CNTN3: variants seen among roughly 807,000 people sequenced by gnomAD.
The protein encoded by CNTN3 is contactin 3.
In CNTN3, 60 loss-of-function variants were observed where a neutral mutation model predicts 119.1. That is an observed-to-expected ratio of 0.50 (90% CI 0.41 to 0.62). The LOEUF (loss-of-function observed/expected upper bound fraction) is 0.62. Among genes scored for constraint, CNTN3 ranks in the 20% least tolerant of loss-of-function variants. CNTN3 has a pLI of 0.00. For missense variants in CNTN3, 1,101 were observed against 1,242.4 expected (o/e 0.89, Z 1.71); for synonymous variants, 450 against 438.7 (o/e 1.03, Z -0.32).
At chr3:74,295,520 G>A (rs911876191) in intron 18 of CNTN3, among the ~76,000 whole-genome samples, 1 of 152,018 alleles carries the variant, frequency 6.6e-6, no homozygotes, top group Non-Finnish European at 1.5e-5. Context: ...TTCTTTGCCT[G>A]TCTTCTCCTC....
chr3:74,417,525 AATGG>A (rs1174522003), intron 5 of CNTN3, among the ~76,000 whole-genome samples: 1 of 152,180 alleles, frequency 6.6e-6, no homozygotes, highest in South Asian at 2.1e-4. Context: ...GAATGAATAC[AATGG>A]ATGGATGGAT....
chr3:74,542,710 A>G (rs1340343301), intron 1 of CNTN3, among the ~76,000 whole-genome samples: 3 of 152,208 alleles, frequency 2.0e-5, no homozygotes, highest in Non-Finnish European at 2.9e-5. Context: ...TTTGTCAATC[A>G]TATATATTGT....
chr3:74,549,716 C>G (rs1049033561), intron 1 of CNTN3, among the ~76,000 whole-genome samples: 10 of 152,084 alleles, frequency 6.6e-5, no homozygotes, highest in African/African-American at 2.4e-4. Context: ...TTAAATGGGC[C>G]CAGATCAGGA....
At position 74,486,458 on chromosome 3, in the gene CNTN3, G is replaced by A. The variant is rs772283867; in HGVS notation, c.356C>T (p.Ala119Val). 1 of 1,596,300 alleles carries A rather than the reference G, an allele frequency of 6.3e-7. No homozygotes were observed. The highest frequency in any genetic ancestry group is 8.5e-7 in the Non-Finnish European group (1 of 1,175,488). The change falls in exon 4 of 23, where the codon GCC (alanine) becomes GTC (valine). Residue 119 changes from alanine to valine, a missense_variant and splice_region_variant. Physicochemically the swap from Ala to Val is moderately conservative, Grantham distance 64. Transcript: ENST00000263665. The part of the protein sequence containing the change: ...IVSREAKLQF[A>V]YLENFKTKMR... ...TAGACATGTGAACATAAACTTACAG[G>A]CAAACTGAAGTTTGGCTTCTCTGCT...
chr3:74,461,457 G>A (rs1361590963), intron 4 of CNTN3, among the ~76,000 whole-genome samples: 1 of 151,886 alleles, frequency 6.6e-6, no homozygotes, highest in African/African-American at 2.4e-5. Flanking sequence ...CTTGATTAGA[G>A]TCAAGTTATT....
At chr3:74,307,906 G>T (rs1003929564) in intron 13 of CNTN3, among the ~76,000 whole-genome samples, 5 of 152,200 alleles carry the variant, frequency 3.3e-5, no homozygotes, top group African/African-American at 9.6e-5. Flanking sequence ...TTGGAACCGA[G>T]GTTGAGTAAG....
intron 4 of CNTN3, among the ~76,000 whole-genome samples, chr3:74,459,736 G>A (rs1272733160): frequency 6.6e-6 from 1 of 151,840 alleles, no homozygotes; most frequent in African/African-American, 2.4e-5. Context: ...AACCTTTAAG[G>A]TAGTGTGCCC....
Position 74,557,008 on chromosome 3 carries a change from G to A in CNTN3, c.-80-35816C>T, listed in dbSNP as rs185450198. On this transcript the variant is annotated intron_variant, in intron 1 of 22. Transcript: ENST00000263665. Reference sequence around the variant, plus strand: ...GTTTGTCTTTTTATTGTTGCATCGTGAGAGTTTTTTTGTATTCTAATATAA... The same window carrying A: ...GTTTGTCTTTTTATTGTTGCATCGTAAGAGTTTTTTTGTATTCTAATATAA... Among the ~76,000 whole-genome samples, 428 of 152,192 alleles carry A rather than the reference G, an allele frequency of 2.8e-3. 4 individuals are homozygous for A. The highest frequency in any genetic ancestry group is 0.01 in the African/African-American group (420 of 41,532).
At chr3:74,379,352 C>T (rs942108665) in intron 5 of CNTN3, among the ~76,000 whole-genome samples, 10 of 152,026 alleles carry the variant, frequency 6.6e-5, no homozygotes, top group African/African-American at 1.7e-4. Context: ...GACGGGGTTT[C>T]GCCATGTTGG....
At chr3:74,508,785 G>C (rs995258970) in intron 2 of CNTN3, among the ~76,000 whole-genome samples, 1 of 152,098 alleles carries the variant, frequency 6.6e-6, no homozygotes, top group Non-Finnish European at 1.5e-5. Context: ...TCCCCAATTT[G>C]ATAAGCTTTG....
intron 1 of CNTN3, among the ~76,000 whole-genome samples, chr3:74,528,198 T>C (rs974912357): frequency 6.6e-6 from 1 of 151,888 alleles, no homozygotes; most frequent in Admixed American, 6.6e-5. Context: ...TTTGATTCAA[T>C]GGAAAATTAT....
At chr3:74,517,884 ACCAGCTT>A (rs1353939794) in intron 2 of CNTN3, among the ~76,000 whole-genome samples, 1 of 151,916 alleles carries the variant, frequency 6.6e-6, no homozygotes, top group African/African-American at 2.4e-5. Flanking sequence ...TTGTGAATAT[ACCAGCTT>A]CCATTCTTTT....
At position 74,471,043 on chromosome 3, in the gene CNTN3, A is replaced by AT. The variant is rs1175086055; in HGVS notation, c.358+15412dup. Among the ~76,000 whole-genome samples, 3 of 151,886 alleles carry AT rather than the reference A, an allele frequency of 2.0e-5. No individual in the cohort carries two copies. The East Asian group carries it at 5.8e-4, about 30-fold the overall frequency. On this transcript the variant is annotated intron_variant, in intron 4 of 22. Transcript: ENST00000263665. ...AGGCACGTGCCACCACGCCTAGCTA[A>AT]TTTTTGTATTTTTAGTAGAGATGGG...
At chr3:74,370,791 G>T (rs1704315619) in intron 6 of CNTN3, among the ~76,000 whole-genome samples, 1 of 152,078 alleles carries the variant, frequency 6.6e-6, no homozygotes, top group African/African-American at 2.4e-5. Flanking sequence ...ATGATTTTTA[G>T]CCTATAACAA....
chr3:74,483,816 T>C (rs1204648336), intron 4 of CNTN3, among the ~76,000 whole-genome samples: 1 of 152,048 alleles, frequency 6.6e-6, no homozygotes, highest in East Asian at 1.9e-4. Context: ...AGCTCCTAAA[T>C]AGATTAAAAT....
intron 5 of CNTN3, among the ~76,000 whole-genome samples, chr3:74,379,489 T>C (rs1349725611): frequency 6.6e-6 from 1 of 152,204 alleles, no homozygotes; most frequent in Non-Finnish European, 1.5e-5. Flanking sequence ...GCTGCTGCTA[T>C]TGATATAGCA....
chr3:74,610,556 A>C (rs2106718219), intron 1 of CNTN3, among the ~76,000 whole-genome samples: 1 of 152,326 alleles, frequency 6.6e-6, no homozygotes, highest in Non-Finnish European at 1.5e-5. Context: ...AATCCCACAC[A>C]GCCTTGCAGG....
chr3:74,349,696 C>CGA (rs1703771522), intron 11 of CNTN3, among the ~76,000 whole-genome samples: 1 of 152,064 alleles, frequency 6.6e-6, no homozygotes, highest in South Asian at 2.1e-4. Flanking sequence ...TGATATTGGG[C>CGA]GTTTCTATGA....
intron 4 of CNTN3, among the ~76,000 whole-genome samples, chr3:74,428,877 TTAGA>T (rs1302823515): frequency 1.3e-5 from 2 of 152,176 alleles, no homozygotes; most frequent in Admixed American, 6.5e-5. Context: ...TTTTCTATGC[TTAGA>T]TATTTTCAGA....
Sources: gnomAD v4.1 joint callset for allele counts (sites outside exome capture counted in the v4.1 genomes callset) on GRCh38, gnomAD v4.1.1 for gene constraint, MANE v1.5 for transcripts, NCBI Gene and HGNC (gene_info 2026-07-23, HGNC 2026-07-21) for gene names.